Variants in PARP4 observed in about 807,000 individuals in gnomAD.
PARP4 encodes the protein poly(ADP-ribose) polymerase family member 4, also known as protein mono-ADP-ribosyltransferase PARP4.
In PARP4, 120 loss-of-function variants were observed where a neutral mutation model predicts 187.7. That is an observed-to-expected ratio of 0.64 (90% confidence interval 0.55 to 0.74). The LOEUF (loss-of-function observed/expected upper bound fraction) is 0.74. Ranked by LOEUF, PARP4 falls within the 30% of genes least tolerant of loss-of-function variation. The pLI, the probability that PARP4 is intolerant of heterozygous loss-of-function variation, is 0.00. For missense variants in PARP4, 1,836 were observed against 2,070.5 expected, an observed-to-expected ratio of 0.89 and a Z score of 2.20; for synonymous variants, 654 against 740.9, an observed-to-expected ratio of 0.88 and a Z score of 1.90.
intron 17 of PARP4, 84 bp downstream of exon 17, chr13:24,468,940 T>G (rs116500335): frequency 9.7e-7 from 1 of 1,028,538 alleles, no homozygotes; most frequent in Non-Finnish European, 1.5e-6. Context: ...TATCTTAGCC[T>G]CTAGCATGAA....
At position 24,479,230 on chromosome 13, in the gene PARP4, C is replaced by T. The variant is rs539473704; in HGVS notation, c.1449-954G>A. On this transcript the variant is annotated intron_variant, in intron 12 of 33. Coordinates refer to ENST00000381989, the MANE Select transcript of PARP4 (RefSeq NM_006437.4). Reference sequence around the variant, plus strand: ...TTAAGTTCAAAATGCCGAAGTATGGCCAGACGACCCTTCTTTGTTTCACCT... The same window carrying T: ...TTAAGTTCAAAATGCCGAAGTATGGTCAGACGACCCTTCTTTGTTTCACCT... 2.0e-5 allele frequency among the ~76,000 whole-genome samples: 3 copies of T among 152,224 alleles called. No homozygotes were observed. The East Asian group carries it at 5.8e-4, about 29-fold the overall frequency.
Position 24,481,521 on chromosome 13 carries a change from T to A in PARP4, c.1448+3132A>T, listed in dbSNP as rs138086999. On this transcript the variant is annotated intron_variant, in intron 12 of 33. Coordinates refer to ENST00000381989, the MANE Select transcript of PARP4 (RefSeq NM_006437.4). Reference sequence around the variant, plus strand: ...CAGCCTGCCCAATATGATGAAACCCTATCTCTACTAAAAATACAAAAATTA... The same window carrying A: ...CAGCCTGCCCAATATGATGAAACCCAATCTCTACTAAAAATACAAAAATTA... 2.8e-3 allele frequency among the ~76,000 whole-genome samples: 430 copies of A among 152,188 alleles called. 5 individuals are homozygous for A. The highest frequency in any genetic ancestry group is 9.9e-3 in the African/African-American group (412 of 41,552).
intron 33 of PARP4, among the ~76,000 whole-genome samples, chr13:24,422,269 T>C (rs1481954419): frequency 1.3e-5 from 2 of 152,224 alleles, no homozygotes; most frequent in Non-Finnish European, 2.9e-5. Flanking sequence ...ACATGCTTAC[T>C]AGTCCCTAGT....
At chr13:24,474,241 C>T (rs534143618) in intron 15 of PARP4, among the ~76,000 whole-genome samples, 2 of 152,090 alleles carry the variant, frequency 1.3e-5, no homozygotes, top group Admixed American at 6.5e-5. Flanking sequence ...CAGGCCTTGG[C>T]GGACTCCATC....
chr13:24,442,733 G>C, intron 28 of PARP4, 48 bp from the exon 29 acceptor site: 1 of 966,260 alleles, frequency 1.0e-6, no homozygotes, highest in Non-Finnish European at 1.7e-6. Flanking sequence ...TTTCTATTTC[G>C]CTATGTCAGT....
chr13:24,434,279 C>G, intron 31 of PARP4, 116 bp downstream of exon 31: 1 of 927,952 alleles, frequency 1.1e-6, no homozygotes, highest in East Asian at 2.5e-5. Context: ...AGTGTACAAC[C>G]CCTTCCTTCA....
chr13:24,440,398 A>G (rs1320478990), intron 30 of PARP4, among the ~76,000 whole-genome samples: 4 of 43,450 alleles, frequency 9.2e-5, no homozygotes, highest in Non-Finnish European at 1.3e-4. Flanking sequence ...ACTCTATCTC[A>G]AAAAAAAAAA....
chr13:24,503,680 T>G lies in PARP4; in HGVS notation c.97A>C (p.Asn33His), dbSNP rs62000372. Reference protein sequence around the residue: ...KKKLQTDIKENGGKFSFSLNP... With the variant: ...KKKLQTDIKEHGGKFSFSLNP... ...AACGAAAAGGAAAACTTTCCGCCAT[T>G]TTCCTTAATGTCAGTTTGTAGCTTT... The change falls in exon 2 of 34, where the codon AAT becomes CAT. Residue 33 changes from asparagine (N) to histidine (H), a missense_variant. Around this residue, in one of 8 missense-constraint regions of PARP4, gnomAD observed 1,147 missense variants for 1,214.2 expected, o/e 0.94. Coordinates refer to ENST00000381989, the MANE Select transcript of PARP4 (RefSeq NM_006437.4). 1 of 1,613,556 alleles carries G rather than the reference T, an allele frequency of 6.2e-7. No individual in the cohort carries two copies. The highest frequency in any genetic ancestry group is 1.3e-5 in the African/African-American group (1 of 74,914).
chr13:24,458,975 A>G (rs1459681818), intron 20 of PARP4, 69 bp downstream of exon 20: 4 of 1,086,962 alleles, frequency 3.7e-6, no homozygotes, highest in East Asian at 2.4e-5. Context: ...AACCACGTGC[A>G]TACATTGCTT....
chr13:24,464,798 T>C (rs759625623), intron 17 of PARP4, among the ~76,000 whole-genome samples: 1 of 151,786 alleles, frequency 6.6e-6, no homozygotes, highest in African/African-American at 2.4e-5. Flanking sequence ...ACAAATGGGA[T>C]CTAATTAAAC....
chr13:24,504,524 A>G (rs1869503357), intron 1 of PARP4, among the ~76,000 whole-genome samples: 2 of 152,000 alleles, frequency 1.3e-5, no homozygotes, highest in Admixed American at 1.3e-4. Context: ...CATGTTGACC[A>G]GGCTGGGCTC....
chr13:24,492,825 A>G (rs1176526418), intron 8 of PARP4, among the ~76,000 whole-genome samples: 1 of 152,216 alleles, frequency 6.6e-6, no homozygotes, highest in Non-Finnish European at 1.5e-5. Flanking sequence ...AAAGAACCAG[A>G]GTCTTATATT....
chr13:24,482,148 A>G (rs1202777761), intron 12 of PARP4, among the ~76,000 whole-genome samples: 3 of 152,242 alleles, frequency 2.0e-5, no homozygotes, highest in African/African-American at 7.2e-5. Flanking sequence ...TAGAATTACA[A>G]TTGGAGCCTG....
At chr13:24,498,872 G>A (rs1472569944) in intron 5 of PARP4, among the ~76,000 whole-genome samples, 2 of 152,180 alleles carry the variant, frequency 1.3e-5, no homozygotes, top group Non-Finnish European at 2.9e-5. Context: ...TAACAGGGAA[G>A]AGCACTTTTA....
chr13:24,470,982 C>A (rs1872707270), intron 15 of PARP4, among the ~76,000 whole-genome samples: 1 of 152,150 alleles, frequency 6.6e-6, no homozygotes, highest in Non-Finnish European at 1.5e-5. Flanking sequence ...TTCCTGGAAT[C>A]CCGGTCTGGC....
intron 29 of PARP4, among the ~76,000 whole-genome samples, 169 bp from the exon 30 acceptor site, chr13:24,442,137 C>T (rs74040531): frequency 0.11 from 11,410 of 103,612 alleles, 226 homozygotes; most frequent in Middle Eastern, 0.19. Context: ...GAGTGGCTTT[C>T]CTCTTTACGG....
At chr13:24,483,775 C>T (rs1156597601) in intron 12 of PARP4, among the ~76,000 whole-genome samples, 1 of 152,090 alleles carries the variant, frequency 6.6e-6, no homozygotes, top group Non-Finnish European at 1.5e-5. Context: ...TACAGGTGCA[C>T]ACCACCACGC....
At chr13:24,494,027 C>G (rs892037083) in intron 7 of PARP4, among the ~76,000 whole-genome samples, 3 of 152,104 alleles carry the variant, frequency 2.0e-5, no homozygotes, top group African/African-American at 7.2e-5. Flanking sequence ...GATTAAGGAC[C>G]CTTGACTCAT....
chr13:24,501,501 C>T, intron 3 of PARP4, 132 bp downstream of exon 3: 2 of 642,100 alleles, frequency 3.1e-6, no homozygotes, highest in Non-Finnish European at 2.7e-6. Context: ...TTTTTCTGTC[C>T]ATTTTCTGAG....
Sources: allele counts gnomAD v4.1 joint callset (sites outside exome capture counted in the v4.1 genomes callset), GRCh38; gene constraint gnomAD v4.1.1; regional missense constraint gnomAD v4.1.1; transcripts MANE v1.5; gene names NCBI Gene and HGNC (gene_info 2026-07-23, HGNC 2026-07-21).